SYNRG: variants seen among roughly 807,000 people sequenced by gnomAD.
SYNRG encodes AP1 gamma subunit binding protein 1.
A neutral mutation model predicts 130.9 loss-of-function variants in SYNRG; 37 were observed. The ratio of observed to expected loss-of-function variants is 0.28; its 90% CI spans 0.22 to 0.37. The LOEUF is 0.37. SYNRG is among the 10% of genes least tolerant of loss of function. The pLI is 1.00. For missense variants in SYNRG, 1,338 were observed against 1,588.9 expected (o/e 0.84, Z 2.68); for synonymous variants, 539 against 568.1 (o/e 0.95, Z 0.73).
At chr17:37,575,365 C>T (rs1285758565) in intron 8 of SYNRG, among the ~76,000 whole-genome samples, 1 of 151,908 alleles carries the variant, frequency 6.6e-6, no homozygotes, top group Non-Finnish European at 1.5e-5. Context: ...CCTTATCTAC[C>T]CTGATGTGAT....
chr17:37,596,973 C>G (rs1220388583), intron 2 of SYNRG, among the ~76,000 whole-genome samples: 2 of 152,104 alleles, frequency 1.3e-5, no homozygotes, highest in East Asian at 1.9e-4. Flanking sequence ...GTCTTGAACT[C>G]CTGACCTCAA....
At chr17:37,535,747 G>T (rs1648645547) in intron 19 of SYNRG, among the ~76,000 whole-genome samples, 1 of 152,230 alleles carries the variant, frequency 6.6e-6, no homozygotes, top group South Asian at 2.1e-4. Context: ...TAGCCAGAGT[G>T]AATGTTTTCC....
chr17:37,535,332 A>G (rs959248550), intron 19 of SYNRG, among the ~76,000 whole-genome samples: 2 of 152,254 alleles, frequency 1.3e-5, no homozygotes, highest in Non-Finnish European at 2.9e-5. Flanking sequence ...AATTGATAGG[A>G]CATAATGTAG....
At chr17:37,574,790 G>C (rs541141063) in intron 8 of SYNRG, among the ~76,000 whole-genome samples, 1 of 152,134 alleles carries the variant, frequency 6.6e-6, no homozygotes, top group East Asian at 1.9e-4. Context: ...GGGAACCCAA[G>C]TACACTGTTG....
rs369970347 is a variant in SYNRG at position 37,561,570 on chromosome 17, G to A, written c.1501C>T (p.Pro501Ser). ...GGCAATGCTTTAGTTCCAGGAAGTG[G>A]CATCAACAAAGAAGGGGCACTGAAG... The part of the protein sequence containing the change: ...HGNSAPSLLM[P>S]LPGTKALPSM... The change falls in exon 12 of 22, where the codon CCA becomes TCA. Residue 501 changes from proline to serine, a missense_variant. By Grantham distance (74) the Pro-to-Ser change is moderately conservative. Transcript: ENST00000612223. The A allele has an allele frequency of 2.5e-6, 4 of 1,611,904 alleles. No individual in the cohort carries two copies. The highest frequency in any genetic ancestry group is 3.4e-6 in the Non-Finnish European group (4 of 1,178,456).
chr17:37,584,867 C>T, intron 5 of SYNRG, 108 bp from the exon 6 acceptor site: 1 of 776,586 alleles, frequency 1.3e-6, no homozygotes, highest in Non-Finnish European at 2.0e-6. Context: ...AATATTTTTA[C>T]CACATACTTC....
At chr17:37,604,866 AG>A (rs1195383861) in intron 1 of SYNRG, among the ~76,000 whole-genome samples, 1 of 152,188 alleles carries the variant, frequency 6.6e-6, no homozygotes, top group Non-Finnish European at 1.5e-5. Flanking sequence ...GCCCTTGGAG[AG>A]GAAGACCGGG....
At chr17:37,573,510 G>A (rs1205504204) in intron 8 of SYNRG, among the ~76,000 whole-genome samples, 1 of 152,128 alleles carries the variant, frequency 6.6e-6, no homozygotes, top group East Asian at 1.9e-4. Context: ...ATACAAACTG[G>A]CAGAAAATGG....
chr17:37,529,798 C>A (rs1431269369), intron 19 of SYNRG: 2 of 1,551,482 alleles, frequency 1.3e-6, no homozygotes, highest in Non-Finnish European at 1.7e-6. Flanking sequence ...CTTCTAAGAG[C>A]TCATGGTAAG....
intron 6 of SYNRG, among the ~76,000 whole-genome samples, chr17:37,584,038 A>G (rs2061522186): frequency 6.6e-6 from 1 of 152,192 alleles, no homozygotes; most frequent in South Asian, 2.1e-4. Context: ...ACAATTATGC[A>G]AATACAAGAC....
At position 37,570,694 on chromosome 17, in the gene SYNRG, C is replaced by G; in HGVS notation, c.1290G>C (p.Val430=). 4 of 1,614,202 alleles carry G rather than the reference C, an allele frequency of 2.5e-6. No homozygotes were observed. The highest frequency in any genetic ancestry group is 3.4e-6 in the Non-Finnish European group (4 of 1,180,034). The change falls in exon 10 of 22, where the codon GTG becomes GTC. Residue 430 remains valine, a synonymous_variant. Coordinates refer to ENST00000612223, the MANE Select transcript of SYNRG (RefSeq NM_007247.6). ...PVMGINLVGP[V]GGAAAQASSG... is the part of the protein sequence containing the mutation. ...TAGAAGCCTGGGCTGCAGCTCCACC[C>G]ACTGGTCCAACAAGGTTAATGCCCA...
At chr17:37,564,338 G>A (rs559963434) in intron 11 of SYNRG, among the ~76,000 whole-genome samples, 5 of 152,212 alleles carry the variant, frequency 3.3e-5, no homozygotes, top group South Asian at 2.1e-4. Flanking sequence ...GTTTAACACC[G>A]AGTCTAGCCA....
intron 1 of SYNRG, among the ~76,000 whole-genome samples, chr17:37,602,075 T>C (rs1598669360): frequency 6.6e-6 from 1 of 151,808 alleles, no homozygotes; most frequent in African/African-American, 2.4e-5. Context: ...GTGGCTCACG[T>C]CTGTAATCCC....
intron 11 of SYNRG, among the ~76,000 whole-genome samples, chr17:37,565,983 G>T (rs1167664408): frequency 1.3e-5 from 2 of 149,402 alleles, no homozygotes; most frequent in African/African-American, 2.5e-5. Flanking sequence ...CCCCCTGCCC[G>T]GCCAGCCGCC....
At chr17:37,608,356 G>T (rs1248719915) in intron 1 of SYNRG, among the ~76,000 whole-genome samples, 1 of 152,150 alleles carries the variant, frequency 6.6e-6, no homozygotes, top group Non-Finnish European at 1.5e-5. Flanking sequence ...AAGATGCAAA[G>T]CTACTTTTAC....
chr17:37,540,602 G>A, intron 15 of SYNRG, 59 bp from the exon 16 acceptor site: 1 of 1,514,148 alleles, frequency 6.6e-7, no homozygotes, highest in Non-Finnish European at 8.9e-7. Flanking sequence ...TTCAGGCAGA[G>A]GCTCTTCCTC....
At chr17:37,560,312 A>T (rs1453171238) in intron 13 of SYNRG, among the ~76,000 whole-genome samples, 2 of 151,438 alleles carry the variant, frequency 1.3e-5, no homozygotes, top group Admixed American at 6.6e-5. Flanking sequence ...CCCTTCTACT[A>T]GATAATCCCC....
At chr17:37,591,062 C>T (rs961889938) in intron 3 of SYNRG, among the ~76,000 whole-genome samples, 1 of 152,004 alleles carries the variant, frequency 6.6e-6, no homozygotes, top group Non-Finnish European at 1.5e-5. Flanking sequence ...GACATGACTA[C>T]CCATATTAAA....
intron 19 of SYNRG, among the ~76,000 whole-genome samples, chr17:37,532,917 A>G (rs1057234034): frequency 2.6e-5 from 4 of 152,118 alleles, no homozygotes; most frequent in African/African-American, 9.7e-5. Context: ...TATTTTTTCC[A>G]CACTTAAAAT....
Sources: allele counts gnomAD v4.1 joint callset (sites outside exome capture counted in the v4.1 genomes callset), GRCh38; gene constraint gnomAD v4.1.1; transcripts MANE v1.5; gene names NCBI Gene and HGNC (gene_info 2026-07-23, HGNC 2026-07-21).